The following SYT6 variants were observed in gnomAD, a reference collection of about 807,000 sequenced individuals.
SYT6 encodes synaptotagmin-6.
Under a neutral mutation model 38.4 loss-of-function variants are expected in SYT6, and 24 were observed. The ratio of observed to expected loss-of-function variants is 0.62; its 90% confidence interval spans 0.45 to 0.88. SYT6 has a LOEUF of 0.88. Ranked by LOEUF, SYT6 falls within the 40% of genes least tolerant of loss-of-function variation. The pLI, the probability that SYT6 is intolerant of heterozygous loss-of-function variation, is 0.00. For synonymous variants in SYT6, 265 were observed against 241.9 expected (o/e 1.10, Z -0.89); for missense variants, 611 against 621.0 (o/e 0.98, Z 0.17).
rs1334704157 is a variant in SYT6 at position 114,137,884 on chromosome 1, T to C, written c.682A>G (p.Lys228Glu). Residue 228 changes from lysine to glutamate, a missense_variant, in exon 3 of 8, where the codon AAG becomes GAG. Transcript: ENST00000610222. Reference sequence around the variant, plus strand: ...CTGAAGTTGATCTTCCCGCAGCTCTTGGTGGCCTCAGACTTGGCATCCTCC... The same window carrying C: ...CTGAAGTTGATCTTCCCGCAGCTCTCGGTGGCCTCAGACTTGGCATCCTCC... ...DGEDAKSEAT[K>E]SCGKINFSLR... The C allele has an allele frequency of 1.2e-6, 2 of 1,613,848 alleles. No homozygotes were observed. The highest frequency in any genetic ancestry group is 1.7e-5 in the Admixed American group (1 of 59,988).
chr1:114,125,875 T>C (rs1677697195), intron 3 of SYT6, among the ~76,000 whole-genome samples: 1 of 152,210 alleles, frequency 6.6e-6, no homozygotes, highest in African/African-American at 2.4e-5. Flanking sequence ...TTTCTGGTCT[T>C]AGATCTTCCT....
intron 2 of SYT6, 35 bp from the exon 3 acceptor site, chr1:114,138,088 G>T (rs557112898): frequency 2.5e-6 from 4 of 1,589,570 alleles, no homozygotes; most frequent in South Asian, 2.3e-5. Flanking sequence ...AGGGAGTGTG[G>T]TCAGGGCTCA....
At chr1:114,110,687 A>C (rs1364626638) in intron 3 of SYT6, among the ~76,000 whole-genome samples, 1 of 152,174 alleles carries the variant, frequency 6.6e-6, no homozygotes, top group Non-Finnish European at 1.5e-5. Flanking sequence ...GAAAGTGAGC[A>C]TGAGTTCAGA....
intron 6 of SYT6, among the ~76,000 whole-genome samples, chr1:114,095,435 G>A (rs1675574205): frequency 6.6e-6 from 1 of 152,288 alleles, no homozygotes; most frequent in South Asian, 2.1e-4. Flanking sequence ...ACCCCCAGCT[G>A]TAGCCGCTGC....
intron 3 of SYT6, among the ~76,000 whole-genome samples, chr1:114,117,017 T>C (rs1350272120): frequency 6.6e-6 from 1 of 152,226 alleles, no homozygotes; most frequent in Non-Finnish European, 1.5e-5. Context: ...GAACTCCTGA[T>C]TCATGATTCC....
chr1:114,103,274 C>T (rs138223929), intron 4 of SYT6, among the ~76,000 whole-genome samples: 55 of 152,092 alleles, frequency 3.6e-4, no homozygotes, highest in Non-Finnish European at 5.9e-4. Flanking sequence ...TTATCTCCCT[C>T]TTCTAAGAGA....
intron 7 of SYT6, among the ~76,000 whole-genome samples, chr1:114,092,661 T>C (rs932339028): frequency 1.3e-5 from 2 of 152,058 alleles, no homozygotes; most frequent in Admixed American, 6.6e-5. Flanking sequence ...CTGCAACCCC[T>C]TTCTCCTCCC....
chr1:114,141,593 G>A (rs1043955930), intron 1 of SYT6, among the ~76,000 whole-genome samples: 3 of 152,232 alleles, frequency 2.0e-5, no homozygotes, highest in African/African-American at 4.8e-5. Flanking sequence ...TGATTCAGAA[G>A]ATCTAACTAA....
In SYT6 at chr1:114,090,933, T is replaced by C. The variant is rs182418718; in HGVS notation, c.*1201A>G. ...ACTGAAACAAACAACACTGAAGTAC[T>C]TAGTAATTTATAGAACTAAAGTTTA... On this transcript the variant is annotated 3_prime_UTR_variant, in exon 8 of 8. Transcript: ENST00000610222. The C allele has an allele frequency of 2.4e-4, 37 of 152,948 alleles. No homozygotes were observed. Among genetic ancestry groups the C allele is most frequent in the Non-Finnish European group, 1.0e-4 (7 of 68,018 alleles). The allele number at this position is 152,948 out of a possible 1,614,324, so 9.5% of individuals were successfully genotyped here.
At chr1:114,099,386 G>A (rs1286075498) in intron 4 of SYT6, 121 bp from the exon 5 acceptor site, 2 of 1,031,330 alleles carry the variant, frequency 1.9e-6, no homozygotes, top group South Asian at 2.0e-5. Context: ...GGTATCAGTG[G>A]GTTGTTAAAA....
intron 3 of SYT6, among the ~76,000 whole-genome samples, chr1:114,113,323 C>T (rs867978524): frequency 6.6e-6 from 1 of 152,168 alleles, no homozygotes; most frequent in Admixed American, 6.5e-5. Context: ...CCATCCCTGC[C>T]TCTAAACAGT....
intron 6 of SYT6, among the ~76,000 whole-genome samples, chr1:114,094,401 G>C (rs1675504984): frequency 6.6e-6 from 1 of 152,170 alleles, no homozygotes; most frequent in South Asian, 2.1e-4. Context: ...CAGATGATCT[G>C]AACCCGGCCC....
chr1:114,108,670 C>T (rs546562428), intron 3 of SYT6, among the ~76,000 whole-genome samples: 18 of 152,316 alleles, frequency 1.2e-4, no homozygotes, highest in South Asian at 4.1e-4. Context: ...CTAGCAATTT[C>T]GTTTTGAAAT....
chr1:114,115,277 A>G (rs1676926754), intron 3 of SYT6, among the ~76,000 whole-genome samples: 1 of 152,206 alleles, frequency 6.6e-6, no homozygotes. Flanking sequence ...CCAATTGAAC[A>G]CGAATACTCT....
chr1:114,117,483 C>A (rs1167663277), intron 3 of SYT6, among the ~76,000 whole-genome samples: 1 of 152,204 alleles, frequency 6.6e-6, no homozygotes, highest in Non-Finnish European at 1.5e-5. Context: ...GAGGAAGAGG[C>A]AGCTGCCTTG....
At chr1:114,106,237 G>A (rs1029987557) in intron 3 of SYT6, among the ~76,000 whole-genome samples, 2 of 152,010 alleles carry the variant, frequency 1.3e-5, no homozygotes, top group African/African-American at 4.8e-5. Flanking sequence ...TTTAGATTCA[G>A]TGAGCACAGT....
chr1:114,092,707 C>T (rs1280115126), intron 7 of SYT6, among the ~76,000 whole-genome samples: 1 of 152,160 alleles, frequency 6.6e-6, no homozygotes, highest in East Asian at 1.9e-4. Context: ...TCCTATCAGC[C>T]TGACTCTAAC....
At chr1:114,144,889 G>A (rs961840323) in intron 1 of SYT6, among the ~76,000 whole-genome samples, 3 of 152,006 alleles carry the variant, frequency 2.0e-5, no homozygotes, top group African/African-American at 7.3e-5. Context: ...TCCGAGAATA[G>A]GTAATAATAG....
rs556172628 is a variant in SYT6 at position 114,131,131 on chromosome 1, C to G, written c.1071+6364G>C. ...GTGAGGGACCTGCATGTCCCCAAGA[C>G]AGCAGAACTGGTTTCCTGCCTCCCC... is the stretch of plus-strand genomic sequence containing the variant. On this transcript the variant is annotated intron_variant, in intron 3 of 7. Coordinates refer to ENST00000610222, the MANE Select transcript of SYT6 (RefSeq NM_001253772.2). Among the ~76,000 whole-genome samples, 4 of 152,318 alleles carry G rather than the reference C, an allele frequency of 2.6e-5. No individual in the cohort carries two copies. In the East Asian group the frequency reaches 5.8e-4, roughly 22 times the overall value.
Sources: allele counts gnomAD v4.1 joint callset (sites outside exome capture counted in the v4.1 genomes callset), GRCh38; gene constraint gnomAD v4.1.1; transcripts MANE v1.5; gene names NCBI Gene and HGNC (gene_info 2026-07-23, HGNC 2026-07-21).